TNR: variants seen among roughly 807,000 people sequenced by gnomAD.
The protein encoded by TNR is tenascin-R.
Under a neutral mutation model 150.4 loss-of-function variants are expected in TNR, and 45 were observed. That is an observed-to-expected ratio of 0.30 (90% confidence interval 0.24 to 0.38). The LOEUF is 0.38. Ranked by LOEUF, TNR falls within the 10% of genes least tolerant of loss-of-function variation. TNR has a pLI of 1.00. For missense variants in TNR, 1,544 were observed against 1,759.1 expected (o/e 0.88, Z 2.19); for synonymous variants, 687 against 678.4 (o/e 1.01, Z -0.20).
chr1:175,556,627 T>A (rs1661169467), intron 1 of TNR: 1 of 152,908 alleles, frequency 6.5e-6, no homozygotes, highest in Admixed American at 6.5e-5. Context: ...GTTTAGCCTC[T>A]CAGCCTCCCT....
intron 2 of TNR, among the ~76,000 whole-genome samples, chr1:175,514,654 G>T (rs745411407): frequency 6.6e-6 from 1 of 152,196 alleles, no homozygotes; most frequent in Non-Finnish European, 1.5e-5. Context: ...AGTTTTAAAT[G>T]CCAAAACTAC....
At chr1:175,536,949 A>T (rs1394166077) in intron 1 of TNR, among the ~76,000 whole-genome samples, 1 of 152,104 alleles carries the variant, frequency 6.6e-6, no homozygotes, top group African/African-American at 2.4e-5. Context: ...TCAAACTGGG[A>T]GTGCTCCCTA....
chr1:175,739,350 C>A (rs143345738), intron 1 of TNR, among the ~76,000 whole-genome samples: 1 of 152,008 alleles, frequency 6.6e-6, no homozygotes, highest in Non-Finnish European at 1.5e-5. Flanking sequence ...TGTGGAAGAC[C>A]CTATGTACAA....
chr1:175,387,174 G>A (rs767484271), intron 7 of TNR, among the ~76,000 whole-genome samples: 13 of 152,218 alleles, frequency 8.5e-5, no homozygotes, highest in Admixed American at 2.6e-4. Context: ...GGAGGTGAGG[G>A]AATGTAGAAG....
At chr1:175,652,737 G>A (rs186287196) in intron 1 of TNR, among the ~76,000 whole-genome samples, 23 of 152,216 alleles carry the variant, frequency 1.5e-4, no homozygotes, top group Middle Eastern at 3.4e-3. Context: ...CCTTCCAGTC[G>A]TGCTTCCTGT....
chr1:175,396,681 T>C lies in TNR; in HGVS notation c.1103A>G (p.Gln368Arg), dbSNP rs773291423. 2.5e-6 allele frequency: 4 copies of C among 1,614,260 alleles called. No homozygotes were observed. The Admixed American group carries it at 6.7e-5, about 27-fold the overall frequency. ...ATCTCCAGGCACCCGCTGCTGGAGC[T>C]GGAGGCCCCCCAGGGCCGTCGGCTG... ...SYQPTALGGL[Q>R]LQQRVPGDWS... The change falls in exon 5 of 23, where the codon CAG (glutamine) becomes CGG (arginine). Residue 368 changes from glutamine (Q) to arginine (R), a missense_variant. Physicochemically the swap from Gln to Arg is conservative, Grantham distance 43. Coordinates refer to ENST00000367674, the MANE Select transcript of TNR (RefSeq NM_003285.3).
At chr1:175,553,817 AACACACACAC>A (rs58714689) in intron 1 of TNR, among the ~76,000 whole-genome samples, 5 of 145,390 alleles carry the variant, frequency 3.4e-5, no homozygotes. Context: ...TACAAGAACA[AACACACACAC>A]ACACACACAC....
chr1:175,391,558 G>A (rs1432319758), intron 6 of TNR, 120 bp from the exon 7 acceptor site: 2 of 1,103,812 alleles, frequency 1.8e-6, no homozygotes, highest in South Asian at 1.6e-5. Flanking sequence ...TGGGGGCGAT[G>A]TCTCTTTCCT....
intron 1 of TNR, among the ~76,000 whole-genome samples, chr1:175,639,589 G>C (rs1357478311): frequency 6.6e-6 from 1 of 152,068 alleles, no homozygotes; most frequent in East Asian, 1.9e-4. Context: ...CTGACACCTT[G>C]CCCGGCAGCC....
At position 175,391,308 on chromosome 1, in the gene TNR, G is replaced by A. The variant is rs1218757731; in HGVS notation, c.1487C>T (p.Thr496Ile). The change falls in exon 7 of 23, where the codon ACC (threonine) becomes ATC (isoleucine). Residue 496 changes from threonine to isoleucine, a missense_variant. Thr to Ile is a moderately conservative substitution (Grantham distance 89, BLOSUM62 -1). Transcript: ENST00000367674. ...ALKEQARSPP[T>I]SASVSTVIDG... The stretch of plus-strand genomic sequence containing the variant: ...CTCACCTGTGGAGACGCTGGCCGAG[G>A]TAGGGGGGCTGCGGGCCTGTTCTTT... The A allele has an allele frequency of 1.9e-6, 3 of 1,613,908 alleles. No homozygotes were observed. Among genetic ancestry groups the A allele is most frequent in the African/African-American group, 2.7e-5 (2 of 74,920 alleles).
At chr1:175,341,497 T>C (rs1445656575) in intron 18 of TNR, among the ~76,000 whole-genome samples, 4 of 152,216 alleles carry the variant, frequency 2.6e-5, no homozygotes, top group African/African-American at 9.7e-5. Flanking sequence ...AGAATTGCTC[T>C]GAAATTGGTT....
Position 175,362,650 on chromosome 1 carries a change from G to A in TNR, c.2854+13C>T, listed in dbSNP as rs1651652884. 3.7e-6 allele frequency: 6 copies of A among 1,611,232 alleles called. No individual in the cohort carries two copies. The highest frequency in any genetic ancestry group is 5.1e-6 in the Non-Finnish European group (6 of 1,177,746). Reference sequence around the variant, plus strand: ...CAGGGTTCTGACTTGACACAGCAGGGAGACATTCCCACCTGTGTGCACAAG... The same window carrying A: ...CAGGGTTCTGACTTGACACAGCAGGAAGACATTCCCACCTGTGTGCACAAG... On this transcript the variant is annotated intron_variant, in intron 14 of 22. Transcript: ENST00000367674.
In TNR at chr1:175,337,473, G is replaced by A. The variant is rs1650303484; in HGVS notation, c.3534+55C>T. On this transcript the variant is annotated intron_variant, in intron 19 of 22. Transcript: ENST00000367674. ...GTTGGCTTGGCAGGTGCTGAGCTAG[G>A]TAGACTAGAACACTGAGGACGCTTC... 1.9e-6 allele frequency: 3 copies of A among 1,606,538 alleles called. No homozygotes were observed. The South Asian group carries it at 3.3e-5, about 18-fold the overall frequency.
At chr1:175,361,889 T>G (rs1186653755) in intron 14 of TNR, among the ~76,000 whole-genome samples, 1 of 152,186 alleles carries the variant, frequency 6.6e-6, no homozygotes, top group Non-Finnish European at 1.5e-5. Flanking sequence ...GGAGCAGTGG[T>G]GCTAGCAAAG....
chr1:175,425,795 C>T (rs1339354181), intron 2 of TNR, among the ~76,000 whole-genome samples: 1 of 152,122 alleles, frequency 6.6e-6, no homozygotes, highest in East Asian at 1.9e-4. Context: ...TAGGGTCCAT[C>T]AGGCCCTTCT....
At chr1:175,443,890 C>G (rs1655911457) in intron 2 of TNR, among the ~76,000 whole-genome samples, 1 of 152,282 alleles carries the variant, frequency 6.6e-6, no homozygotes, top group African/African-American at 2.4e-5. Context: ...TACAAATGCT[C>G]TGGTTAGGGG....
At chr1:175,683,496 C>G (rs1227865583) in intron 1 of TNR, among the ~76,000 whole-genome samples, 2 of 152,194 alleles carry the variant, frequency 1.3e-5, no homozygotes, top group African/African-American at 4.8e-5. Context: ...TCTAAACTGA[C>G]CAAGGGTGAG....
At chr1:175,544,380 A>G (rs570173207) in intron 1 of TNR, among the ~76,000 whole-genome samples, 1 of 152,344 alleles carries the variant, frequency 6.6e-6, no homozygotes, top group African/African-American at 2.4e-5. Flanking sequence ...AGAATGAATT[A>G]TAGTTGACTC....
intron 1 of TNR, among the ~76,000 whole-genome samples, chr1:175,530,891 A>C (rs187850949): frequency 6.6e-6 from 1 of 152,136 alleles, no homozygotes; most frequent in African/African-American, 2.4e-5. Context: ...GCACTTATTT[A>C]CTTTTTTAGT....
Sources: gnomAD v4.1 joint callset for allele counts (sites outside exome capture counted in the v4.1 genomes callset) on GRCh38, gnomAD v4.1.1 for gene constraint, MANE v1.5 for transcripts, NCBI Gene and HGNC (gene_info 2026-07-23, HGNC 2026-07-21) for gene names.